The following RAPGEF6 variants were observed in gnomAD, a reference collection of about 807,000 sequenced individuals.
RAPGEF6 encodes PDZ domain containing guanine nucleotide exchange factor (GEF) 2.
A neutral mutation model predicts 171.4 loss-of-function variants in RAPGEF6; 56 were observed. The observed-to-expected ratio is 0.33, with a 90% CI of 0.26 to 0.41. The LOEUF (loss-of-function observed/expected upper bound fraction) is 0.41. Ranked by LOEUF, RAPGEF6 falls within the 10% of genes least tolerant of loss-of-function variation. RAPGEF6 has a pLI of 1.00. For missense variants in RAPGEF6, 1,674 were observed against 1,921.4 expected, an observed-to-expected ratio of 0.87 and a Z score of 2.41; for synonymous variants, 692 against 650.1, an observed-to-expected ratio of 1.06 and a Z score of -0.98.
intron 17 of RAPGEF6, among the ~76,000 whole-genome samples, chr5:131,465,933 T>C (rs1389413615): frequency 6.6e-6 from 1 of 152,110 alleles, no homozygotes; most frequent in Non-Finnish European, 1.5e-5. Flanking sequence ...TGGACACTGT[T>C]AGCCTTTAGA....
At chr5:131,482,277 T>TGC (rs10689156) in intron 15 of RAPGEF6, among the ~76,000 whole-genome samples, 1 of 9,246 alleles carries the variant, frequency 1.1e-4, no homozygotes, top group East Asian at 7.8e-4. Flanking sequence ...CGTGTGTGTA[T>TGC]GTGTGTGTGT....
intron 7 of RAPGEF6, among the ~76,000 whole-genome samples, 157 bp from the exon 8 acceptor site, chr5:131,510,648 A>T (rs1360345504): frequency 6.6e-6 from 1 of 152,216 alleles, no homozygotes; most frequent in African/African-American, 2.4e-5. Context: ...CTTATTTATA[A>T]AAGGTTCTTT....
intron 4 of RAPGEF6, among the ~76,000 whole-genome samples, chr5:131,568,559 TC>T (rs1762088948): frequency 6.6e-6 from 1 of 152,196 alleles, no homozygotes; most frequent in South Asian, 2.1e-4. Context: ...CCTCAAGTGA[TC>T]CTCTGGCCTT....
intron 15 of RAPGEF6, among the ~76,000 whole-genome samples, chr5:131,482,560 C>T (rs1755562968): frequency 6.6e-6 from 1 of 152,182 alleles, no homozygotes; most frequent in Admixed American, 6.5e-5. Flanking sequence ...GCCTCGCCCT[C>T]CCAAAGTGAT....
chr5:131,452,870 C>T (rs1057239260), intron 21 of RAPGEF6, among the ~76,000 whole-genome samples, 184 bp downstream of exon 21: 10 of 151,984 alleles, frequency 6.6e-5, no homozygotes, highest in South Asian at 2.1e-4. Context: ...ATATGTATAA[C>T]GAAGGCTAAT....
chr5:131,577,507 T>C (rs190919226), intron 4 of RAPGEF6, among the ~76,000 whole-genome samples: 5 of 152,300 alleles, frequency 3.3e-5, no homozygotes, highest in Middle Eastern at 3.4e-3. Flanking sequence ...TATCTTCCAG[T>C]CCTCCAGCAG....
At chr5:131,456,406 T>A (rs1410237927) in intron 19 of RAPGEF6, among the ~76,000 whole-genome samples, 3 of 152,190 alleles carry the variant, frequency 2.0e-5, no homozygotes, top group African/African-American at 7.2e-5. Flanking sequence ...GAACAACTGT[T>A]AAATAATAAC....
At chr5:131,572,027 A>G (rs958304657) in intron 4 of RAPGEF6, among the ~76,000 whole-genome samples, 5 of 152,070 alleles carry the variant, frequency 3.3e-5, no homozygotes, top group African/African-American at 7.2e-5. Context: ...TCTCAAACCT[A>G]TAAGAACCTA....
intron 1 of RAPGEF6, among the ~76,000 whole-genome samples, chr5:131,605,228 A>G (rs1355207913): frequency 6.6e-6 from 1 of 152,236 alleles, no homozygotes; most frequent in African/African-American, 2.4e-5. Flanking sequence ...TTCCTCACCC[A>G]GATAACTAGG....
chr5:131,531,269 T>TA (rs1333803671), intron 6 of RAPGEF6, among the ~76,000 whole-genome samples: 2 of 152,142 alleles, frequency 1.3e-5, no homozygotes, highest in African/African-American at 4.8e-5. Flanking sequence ...AAGAGAACCA[T>TA]AAAAAATCTT....
intron 1 of RAPGEF6, among the ~76,000 whole-genome samples, chr5:131,629,244 C>T (rs953822550): frequency 1.3e-5 from 2 of 151,996 alleles, no homozygotes; most frequent in Non-Finnish European, 2.9e-5. Context: ...CTTTGGGAGG[C>T]TGAGGTGGGA....
intron 1 of RAPGEF6, among the ~76,000 whole-genome samples, chr5:131,625,750 A>G (rs966878698): frequency 6.7e-6 from 1 of 150,218 alleles, no homozygotes; most frequent in Non-Finnish European, 1.5e-5. Flanking sequence ...CGGGAGGTGG[A>G]GCTTGCAGTC....
In RAPGEF6 at chr5:131,464,277, G is replaced by A; in HGVS notation, c.2244C>T (p.Ile748=). The A allele has an allele frequency of 6.2e-7, 1 of 1,608,554 alleles. No homozygotes were observed. Among genetic ancestry groups the A allele is most frequent in the Non-Finnish European group, 8.5e-7 (1 of 1,175,918 alleles). ...SMLDFSNPSD[I]PDQVIRVFKV... ...TGAAAACTCTTATAACTTGATCAGG[G>A]ATATCTACATAAATAGAAAGATATG... The change falls in exon 18 of 28, where the codon ATC becomes ATT. Residue 748 remains isoleucine, a synonymous_variant. Transcript: ENST00000509018.
intron 21 of RAPGEF6, among the ~76,000 whole-genome samples, chr5:131,449,749 A>C (rs1752939901): frequency 6.6e-6 from 1 of 152,214 alleles, no homozygotes; most frequent in East Asian, 1.9e-4. Context: ...GCAAGCACAC[A>C]ACAAATATTC....
chr5:131,470,752 A>C (rs1754683651), intron 17 of RAPGEF6, among the ~76,000 whole-genome samples: 1 of 152,180 alleles, frequency 6.6e-6, no homozygotes, highest in Non-Finnish European at 1.5e-5. Flanking sequence ...TGGCAGAGGG[A>C]GGTGGGTTTC....
At chr5:131,484,962 C>T (rs1356272177) in intron 15 of RAPGEF6, among the ~76,000 whole-genome samples, 1 of 152,120 alleles carries the variant, frequency 6.6e-6, no homozygotes, top group African/African-American at 2.4e-5. Context: ...GAGTCTTGCT[C>T]GTTGCCCAGG....
chr5:131,522,963 T>C (rs1276458794), intron 6 of RAPGEF6, among the ~76,000 whole-genome samples: 2 of 152,178 alleles, frequency 1.3e-5, no homozygotes, highest in East Asian at 1.9e-4. Flanking sequence ...CAATCAACTG[T>C]TGGAAGCAAA....
At chr5:131,547,778 A>G (rs1451532133) in intron 6 of RAPGEF6, among the ~76,000 whole-genome samples, 1 of 151,868 alleles carries the variant, frequency 6.6e-6, no homozygotes, top group Non-Finnish European at 1.5e-5. Flanking sequence ...CAAAGTGCTG[A>G]TATTACAGGC....
chr5:131,514,332 TA>T (rs764703522), intron 7 of RAPGEF6, among the ~76,000 whole-genome samples: 7 of 152,284 alleles, frequency 4.6e-5, no homozygotes, highest in Non-Finnish European at 1.0e-4. Context: ...TAGATATGAT[TA>T]TGACCACAGG....
Sources: gnomAD v4.1 joint callset for allele counts (sites outside exome capture counted in the v4.1 genomes callset) on GRCh38, gnomAD v4.1.1 for gene constraint, MANE v1.5 for transcripts, NCBI Gene and HGNC (gene_info 2026-07-23, HGNC 2026-07-21) for gene names.